Variants in NKAP observed in about 807,000 individuals in gnomAD.
The protein encoded by NKAP is NF-kappa-B-activating protein.
Under a neutral mutation model 35.6 loss-of-function variants are expected in NKAP, and 4 were observed. That is an observed-to-expected ratio of 0.11 (90% confidence interval 0.06 to 0.26). The LOEUF (loss-of-function observed/expected upper bound fraction) is 0.26. NKAP is among the 10% of genes least tolerant of loss of function. The probability of loss-of-function intolerance (pLI) is 1.00; values close to 1 mark genes in which losing one functional copy is unlikely to be tolerated. For synonymous variants in NKAP, 106 were observed against 119.2 expected, an observed-to-expected ratio of 0.89 and a Z score of 0.72; for missense variants, 238 against 321.9, an observed-to-expected ratio of 0.74 and a Z score of 1.99.
At chrX:119,939,955 C>T (rs2056784693) in intron 1 of NKAP, among the ~76,000 whole-genome samples, 2 of 108,468 alleles carry the variant, frequency 1.8e-5, no homozygotes, top group African/African-American at 3.3e-5. Context: ...CTCCTGGCCT[C>T]GAGCAATCCT....
At position 119,930,010 on chromosome X, in the gene NKAP, A is replaced by G; in HGVS notation, c.1073+6T>C. ...ATGGAAACTGAGCTTAATGCCAACA[A>G]CATACCTGCTACCACTCATTACATA... On this transcript the variant is annotated splice_donor_region_variant and intron_variant, in intron 8 of 8. Transcript: ENST00000371410. 3 of 1,189,015 alleles carry G rather than the reference A, an allele frequency of 2.5e-6. No individual in the cohort carries two copies. Among genetic ancestry groups the G allele is most frequent in the Non-Finnish European group, 3.4e-6 (3 of 886,175 alleles).
At position 119,923,753 on chromosome X, in the gene NKAP, G is replaced by C. The variant is rs972939566; in HGVS notation, c.*1467C>G. 4 of 111,882 alleles carry C rather than the reference G, an allele frequency of 3.6e-5. No individual in the cohort carries two copies. Among genetic ancestry groups the C allele is most frequent in the African/African-American group, 1.3e-4 (4 of 30,824 alleles). 9.2% of individuals were successfully genotyped at this position (111,882 alleles called of 1,213,427 possible). The stretch of plus-strand genomic sequence containing the variant: ...GCGGATCACCTGGGGTTGGGAGTTC[G>C]AGACCAGCCTGACCAACATGGAGAA... On this transcript the variant is annotated 3_prime_UTR_variant, in exon 9 of 9. Coordinates refer to ENST00000371410, the MANE Select transcript of NKAP (RefSeq NM_024528.4).
At chrX:119,926,106 G>A (rs866821951) in intron 8 of NKAP, among the ~76,000 whole-genome samples, 9 of 101,497 alleles carry the variant, frequency 8.9e-5, no homozygotes, top group Middle Eastern at 1.0e-2. Flanking sequence ...ACAGGCGCCC[G>A]CCACCGCGCC....
In NKAP at chrX:119,925,135, ACAT is replaced by A; in HGVS notation, c.*82_*84del. ...AGTAGCACTGTAAAGCTTTCTCAGA[ACAT>A]AATAATCTTTTTCTATGTATGTGTG... On this transcript the variant is annotated 3_prime_UTR_variant, in exon 9 of 9. Coordinates refer to ENST00000371410, the MANE Select transcript of NKAP (RefSeq NM_024528.4). 3.0e-6 allele frequency: 3 copies of A among 1,005,677 alleles called. No individual in the cohort carries two copies. Among genetic ancestry groups the A allele is most frequent in the Non-Finnish European group, 4.1e-6 (3 of 730,627 alleles). 82.9% of individuals were successfully genotyped at this position (1,005,677 alleles called of 1,213,427 possible). A position where few individuals can be genotyped will look rare whatever the true frequency, so the allele number is the denominator to read the frequency against.
chrX:119,938,600 G>C, intron 2 of NKAP, 130 bp downstream of exon 2: 1 of 438,915 alleles, frequency 2.3e-6, no homozygotes, highest in South Asian at 5.0e-5. Flanking sequence ...TTAAGGGGTA[G>C]AAGAACATAA....
At chrX:119,927,274 T>C (rs998711615) in intron 8 of NKAP, among the ~76,000 whole-genome samples, 3 of 107,937 alleles carry the variant, frequency 2.8e-5, no homozygotes, top group African/African-American at 6.7e-5. Flanking sequence ...TCTTTCCCCA[T>C]TGATCTGACA....
rs148826451 is a variant in NKAP, at chrX:119,936,670, A to G, written c.480T>C (p.His160=). The G allele has an allele frequency of 4.0e-5, 47 of 1,178,586 alleles. No individual in the cohort carries two copies. Among genetic ancestry groups the G allele is most frequent in the Non-Finnish European group, 5.0e-5 (44 of 874,076 alleles). Residue 160 remains histidine (H), a synonymous_variant, in exon 3 of 9, where the codon CAT becomes CAC. Coordinates refer to ENST00000371410, the MANE Select transcript of NKAP (RefSeq NM_024528.4). ...TTGGCTCTTCATCCTCCACTGGTGTATGTTCATCAGAACTGAATTTAAATA... is the reference window on the plus strand; with the variant it reads ...TTGGCTCTTCATCCTCCACTGGTGTGTGTTCATCAGAACTGAATTTAAATA... ...PKNPEPDSDE[H]TPVEDEEPKK... is the part of the protein sequence containing the mutation.
chrX:119,920,869 T>C lies in NKAP; in HGVS notation c.*4351A>G, dbSNP rs2147840917. On this transcript the variant is annotated 3_prime_UTR_variant, in exon 9 of 9. Coordinates refer to ENST00000371410, the MANE Select transcript of NKAP (RefSeq NM_024528.4). ...AGTCTTACAGGTATAGAGCTGAGTT[T>C]AGAGAGTTGCTAAAATTCACCTATT... 6.3e-6 allele frequency: 1 copy of C among 159,099 alleles called. No individual in the cohort carries two copies. The highest frequency in any genetic ancestry group is 1.9e-4 in the South Asian group (1 of 5,243). The allele number at this position is 159,099 out of a possible 1,213,427, so 13.1% of individuals were successfully genotyped here. A position where few individuals can be genotyped will look rare whatever the true frequency, so the allele number is the denominator to read the frequency against.
In NKAP at chrX:119,933,026, T is replaced by G. The variant is rs147965291; in HGVS notation, c.738-810A>C. Among the ~76,000 whole-genome samples the G allele has an allele frequency of 7.1e-3, 788 of 110,974 alleles. 3 individuals carry two copies. Among genetic ancestry groups the G allele is most frequent in the Non-Finnish European group, 0.011 (598 of 52,977 alleles). ...TAAAGGGAACAATGAAATACAGTTC[T>G]GATGTTGTAGAAAGACAACAGAAAT... is the stretch of plus-strand genomic sequence containing the variant. On this transcript the variant is annotated intron_variant, in intron 5 of 8. Transcript: ENST00000371410.
intron 1 of NKAP, among the ~76,000 whole-genome samples, chrX:119,940,383 A>G (rs1050581612): frequency 1.9e-5 from 2 of 107,448 alleles, no homozygotes; most frequent in Non-Finnish European, 3.9e-5. Flanking sequence ...ACTATACTCA[A>G]TGAGATACAA....
intron 3 of NKAP, 79 bp downstream of exon 3, chrX:119,936,533 C>A: frequency 1.0e-6 from 1 of 971,725 alleles, no homozygotes; most frequent in Non-Finnish European, 1.4e-6. Context: ...GTCTAATGTT[C>A]AACTATTTAC....
At chrX:119,941,987 T>C (rs5957277) in intron 1 of NKAP, among the ~76,000 whole-genome samples, 1,491 of 112,210 alleles carry the variant, frequency 0.013, 34 homozygotes, top group African/African-American at 0.046. Flanking sequence ...TGTGTAAGTC[T>C]TAATATCTTG....
chrX:119,936,933 A>C, intron 2 of NKAP: 1 of 261,238 alleles, frequency 3.8e-6, no homozygotes, highest in East Asian at 7.0e-5. Context: ...AAAATAACTT[A>C]TCATTTGCAT....
intron 2 of NKAP, 97 bp from the exon 3 acceptor site, chrX:119,936,779 T>C: frequency 1.6e-6 from 1 of 622,931 alleles, no homozygotes; most frequent in Non-Finnish European, 2.6e-6. Context: ...AGTAACAGCA[T>C]CGATTGTCCA....
At chrX:119,931,105 G>A (rs1250849636) in intron 7 of NKAP, among the ~76,000 whole-genome samples, 3 of 106,947 alleles carry the variant, frequency 2.8e-5, no homozygotes, top group East Asian at 3.0e-4. Context: ...TCATGCCACT[G>A]CACTCCAGCC....
At chrX:119,925,560 CT>C (rs1024895905) in intron 8 of NKAP, among the ~76,000 whole-genome samples, 166 bp from the exon 9 acceptor site, 1 of 109,442 alleles carries the variant, frequency 9.1e-6, no homozygotes. Flanking sequence ...CTGACACGTC[CT>C]TTTTTTTTGT....
At position 119,943,469 on chromosome X, in the gene NKAP, G is replaced by A. The variant is rs2056803954; in HGVS notation, c.137C>T (p.Ser46Phe). The part of the protein sequence containing the change: ...SPRGRRSRSH[S>F]CSRSGDRNGL... Reference sequence around the variant, plus strand: ...ATTCCGGTCCCCGGACCGAGAGCAAGAGTGCGAGCGAGAGCGGCGGCCCCG... The same window carrying A: ...ATTCCGGTCCCCGGACCGAGAGCAAAAGTGCGAGCGAGAGCGGCGGCCCCG... Residue 46 changes from serine (S) to phenylalanine (F), a missense_variant, in exon 1 of 9, where the codon TCT becomes TTT. By Grantham distance (155) the Ser-to-Phe change is radical. Coordinates refer to ENST00000371410, the MANE Select transcript of NKAP (RefSeq NM_024528.4). 1.7e-6 allele frequency: 2 copies of A among 1,211,622 alleles called. No homozygotes were observed. The highest frequency in any genetic ancestry group is 2.2e-6 in the Non-Finnish European group (2 of 895,213).
In NKAP at chrX:119,943,734, A is replaced by C; in HGVS notation, c.-129T>G. Reference sequence around the variant, plus strand: ...CCAAATCTGAGGAAACCTTGGACACAGTTCTGGGTACTTCTGCAAAACCCT... The same window carrying C: ...CCAAATCTGAGGAAACCTTGGACACCGTTCTGGGTACTTCTGCAAAACCCT... On this transcript the variant is annotated 5_prime_UTR_variant, in exon 1 of 9. Coordinates refer to ENST00000371410, the MANE Select transcript of NKAP (RefSeq NM_024528.4). 1.3e-6 allele frequency: 1 copy of C among 776,765 alleles called. No homozygotes were observed. The highest frequency in any genetic ancestry group is 1.8e-6 in the Non-Finnish European group (1 of 569,745). 64.0% of individuals were successfully genotyped at this position (776,765 alleles called of 1,213,427 possible).
intron 5 of NKAP, among the ~76,000 whole-genome samples, chrX:119,933,893 A>C (rs2056753344): frequency 9.0e-6 from 1 of 110,823 alleles, no homozygotes; most frequent in African/African-American, 3.3e-5. Context: ...GTGAGCCGAG[A>C]TCGCGCCACT....
Sources: gnomAD v4.1 joint callset for allele counts (sites outside exome capture counted in the v4.1 genomes callset) on GRCh38, gnomAD v4.1.1 for gene constraint, MANE v1.5 for transcripts, NCBI Gene and HGNC (gene_info 2026-07-23, HGNC 2026-07-21) for gene names.